Variants in IFT122 observed in about 807,000 individuals in gnomAD.
The protein encoded by IFT122 is intraflagellar transport 122.
In IFT122, 118 loss-of-function variants were observed where a neutral mutation model predicts 161.6. The observed-to-expected ratio is 0.73, with a 90% CI of 0.63 to 0.85. The LOEUF is 0.85. Among genes scored for constraint, IFT122 ranks in the 40% least tolerant of loss-of-function variants. The pLI is 0.00. For missense variants in IFT122, 1,381 were observed against 1,579.6 expected, an observed-to-expected ratio of 0.87 and a Z score of 2.13; for synonymous variants, 550 against 602.4, an observed-to-expected ratio of 0.91 and a Z score of 1.27.
At chr3:129,516,787 G>C (rs1386701230) in intron 26 of IFT122, among the ~76,000 whole-genome samples, 1 of 90,044 alleles carries the variant, frequency 1.1e-5, no homozygotes, top group Admixed American at 1.4e-4. Flanking sequence ...CACAGAGACC[G>C]CTCCTGCACA....
chr3:129,476,636 G>T (rs1380357134), intron 10 of IFT122, 27 bp from the exon 11 acceptor site: 1 of 1,614,196 alleles, frequency 6.2e-7, no homozygotes, highest in Non-Finnish European at 8.5e-7. Flanking sequence ...CAGAGAGCTG[G>T]GAATTGACAG....
Position 129,481,660 on chromosome 3 carries a change from T to C in IFT122, c.1619T>C (p.Val540Ala), listed in dbSNP as rs1419735817. 1 of 1,614,004 alleles carries C rather than the reference T, an allele frequency of 6.2e-7. No homozygotes were observed. The highest frequency in any genetic ancestry group is 8.5e-7 in the Non-Finnish European group (1 of 1,179,970). The change falls in exon 14 of 30, where the codon GTG becomes GCG. Residue 540 changes from valine (V) to alanine (A), a missense_variant. Around this residue, in one of 7 missense-constraint regions of IFT122, gnomAD observed 544 missense variants for 648.0 expected, o/e 0.84. Transcript: ENST00000348417. ...GTAGATGAAAATGACACTTGCCTGG[T>C]GTATGACATCGACACCAAGGAGCTG... Reference protein sequence around the residue: ...AVVDENDTCLVYDIDTKELLF... With the variant: ...AVVDENDTCLAYDIDTKELLF...
At chr3:129,461,994 T>C (rs896755618) in intron 5 of IFT122, among the ~76,000 whole-genome samples, 1 of 152,202 alleles carries the variant, frequency 6.6e-6, no homozygotes, top group African/African-American at 2.4e-5. Flanking sequence ...GTGGATACAA[T>C]GAAGTCACTA....
At chr3:129,479,426 ACT>A (rs1022094508) in intron 12 of IFT122, among the ~76,000 whole-genome samples, 8 of 152,156 alleles carry the variant, frequency 5.3e-5, no homozygotes, top group African/African-American at 1.9e-4. Flanking sequence ...ACAGAGTGAG[ACT>A]CTGTCTCAAA....
At chr3:129,474,045 G>T (rs950502726) in intron 9 of IFT122, among the ~76,000 whole-genome samples, 1 of 152,214 alleles carries the variant, frequency 6.6e-6, no homozygotes, top group African/African-American at 2.4e-5. Context: ...TCTAGCATCA[G>T]ATAAGTGCTA....
At chr3:129,457,480 T>G (rs2075653950) in intron 3 of IFT122, among the ~76,000 whole-genome samples, 1 of 152,142 alleles carries the variant, frequency 6.6e-6, no homozygotes, top group Non-Finnish European at 1.5e-5. Flanking sequence ...TCAGGGCCTT[T>G]GCACATCTGT....
intron 1 of IFT122, 35 bp downstream of exon 1, chr3:129,440,406 T>G: frequency 6.5e-7 from 1 of 1,548,590 alleles, no homozygotes; most frequent in Non-Finnish European, 8.7e-7. Context: ...GAGCAGGAGG[T>G]CGAGTCCTCG....
chr3:129,476,084 A>T lies in IFT122; in HGVS notation c.817-231A>T. On this transcript the variant is annotated intron_variant, in intron 9 of 29. Transcript: ENST00000348417. ...TGGAGCACTTGGGTGGGACTAGGGG[A>T]GGTGCCACTGACTCCAGGAGCTGAG... 5 of 560,904 alleles carry T rather than the reference A, an allele frequency of 8.9e-6. No homozygotes were observed. In the Admixed American group the frequency reaches 1.4e-4, roughly 16 times the overall value. 34.7% of individuals were successfully genotyped at this position (560,904 alleles called of 1,614,324 possible).
At chr3:129,497,301 C>G (rs975310139) in intron 18 of IFT122, among the ~76,000 whole-genome samples, 1 of 152,146 alleles carries the variant, frequency 6.6e-6, no homozygotes, top group African/African-American at 2.4e-5. Flanking sequence ...CCTTGGTGCC[C>G]CAGAGCTGGT....
chr3:129,508,909 C>T (rs761314098), intron 23 of IFT122, among the ~76,000 whole-genome samples: 2 of 152,178 alleles, frequency 1.3e-5, no homozygotes, highest in Non-Finnish European at 2.9e-5. Context: ...GCAGGTGTTG[C>T]AGTTTTCGGT....
At chr3:129,442,608 A>G (rs2073381020) in intron 1 of IFT122, among the ~76,000 whole-genome samples, 1 of 152,164 alleles carries the variant, frequency 6.6e-6, no homozygotes, top group African/African-American at 2.4e-5. Context: ...AGAACTAAAA[A>G]AATCCTAGAT....
chr3:129,504,258 A>C, intron 20 of IFT122, 61 bp from the exon 21 acceptor site: 1 of 1,336,348 alleles, frequency 7.5e-7, no homozygotes, highest in East Asian at 2.3e-5. Context: ...AGCCAAGTAC[A>C]GTGTTTTCAT....
intron 1 of IFT122, among the ~76,000 whole-genome samples, chr3:129,444,840 T>A (rs2073789863): frequency 6.6e-6 from 1 of 152,228 alleles, no homozygotes; most frequent in Non-Finnish European, 1.5e-5. Context: ...TCTTTAACAA[T>A]TCTTAAATAT....
chr3:129,510,144 T>G (rs941626742), intron 23 of IFT122, among the ~76,000 whole-genome samples: 1 of 152,164 alleles, frequency 6.6e-6, no homozygotes, highest in Non-Finnish European at 1.5e-5. Context: ...CATGGCAGCC[T>G]CAAACTGCTG....
At chr3:129,490,385 G>C (rs190979713) in intron 16 of IFT122, among the ~76,000 whole-genome samples, 3 of 152,296 alleles carry the variant, frequency 2.0e-5, no homozygotes, top group Admixed American at 6.5e-5. Context: ...TGGCAGAGAA[G>C]AGCTGCTGAG....
chr3:129,456,410 G>A (rs1347128378), intron 3 of IFT122: 8 of 503,246 alleles, frequency 1.6e-5, no homozygotes, highest in African/African-American at 8.1e-5. Flanking sequence ...AAGCCAAGGC[G>A]GGTGGATCAT....
chr3:129,446,751 A>G (rs2074050835), intron 1 of IFT122, among the ~76,000 whole-genome samples: 1 of 152,120 alleles, frequency 6.6e-6, no homozygotes, highest in Non-Finnish European at 1.5e-5. Context: ...GGCTGTGGTC[A>G]CTCATATTTG....
intron 7 of IFT122, among the ~76,000 whole-genome samples, chr3:129,466,168 C>G (rs1350822142): frequency 6.6e-6 from 1 of 152,140 alleles, no homozygotes; most frequent in Non-Finnish European, 1.5e-5. Context: ...TTACAGAGTC[C>G]TCTGAGGGTA....
At position 129,514,565 on chromosome 3, in the gene IFT122, A is replaced by C. The variant is rs975210252; in HGVS notation, c.3153+11A>C. On this transcript the variant is annotated intron_variant, in intron 25 of 29. Coordinates refer to ENST00000348417, the MANE Select transcript of IFT122 (RefSeq NM_052989.3). ...TTCCACGACAGTGAGGTGAGGATGCAGCACCCTTGGGCAGGTGGCTTCTCC... is the reference window on the plus strand; with the variant it reads ...TTCCACGACAGTGAGGTGAGGATGCCGCACCCTTGGGCAGGTGGCTTCTCC... 2 of 1,614,134 alleles carry C rather than the reference A, an allele frequency of 1.2e-6. No homozygotes were observed. The highest frequency in any genetic ancestry group is 1.7e-6 in the Non-Finnish European group (2 of 1,180,018).
Sources: gnomAD v4.1 joint callset for allele counts (sites outside exome capture counted in the v4.1 genomes callset) on GRCh38, gnomAD v4.1.1 for gene constraint, gnomAD v4.1.1 regional missense constraint, MANE v1.5 for transcripts, NCBI Gene and HGNC (gene_info 2026-07-23, HGNC 2026-07-21) for gene names.